ACSM3: variants seen among roughly 807,000 people sequenced by gnomAD.
ACSM3 encodes the protein acyl-CoA synthetase medium chain family member 3, also known as acyl-coenzyme A synthetase ACSM3, mitochondrial.
A neutral mutation model predicts 74.1 loss-of-function variants in ACSM3; 61 were observed. The observed-to-expected ratio is 0.82, with a 90% CI of 0.67 to 1.02. The LOEUF (loss-of-function observed/expected upper bound fraction) is 1.02. ACSM3 is among the 50% of genes least tolerant of loss of function. The probability of loss-of-function intolerance (pLI) is 0.00; values close to 1 mark genes in which losing one functional copy is unlikely to be tolerated. For missense variants in ACSM3, 660 were observed against 697.0 expected (o/e 0.95, Z 0.60); for synonymous variants, 213 against 241.5 (o/e 0.88, Z 1.09).
At chr16:20,762,425 C>A (rs1040486285), upstream of ACSM3, among the ~76,000 whole-genome samples, 1 of 151,980 alleles carries the variant, frequency 6.6e-6, no homozygotes, top group Admixed American at 6.6e-5. Context: ...AAAAAAAGAA[C>A]AGAGCCTCAG....
intron 1 of ACSM3, among the ~76,000 whole-genome samples, chr16:20,683,075 T>C (rs2079478592): frequency 6.6e-6 from 1 of 152,078 alleles, no homozygotes; most frequent in Non-Finnish European, 1.5e-5. Context: ...CTTAGTTCCA[T>C]AAACATTGAC....
At chr16:20,718,858 T>C (rs1158890401) in intron 1 of ACSM3, among the ~76,000 whole-genome samples, 1 of 152,246 alleles carries the variant, frequency 6.6e-6, no homozygotes, top group African/African-American at 2.4e-5. Context: ...AATAATGATA[T>C]ACTTAATTCA....
intron 1 of ACSM3, among the ~76,000 whole-genome samples, chr16:20,677,303 T>C (rs2020347844): frequency 6.6e-6 from 1 of 151,808 alleles, no homozygotes; most frequent in Admixed American, 6.6e-5. Context: ...TATCTTCTTG[T>C]ATGCCCATAA....
intron 1 of ACSM3, chr16:20,741,481 G>GGGGGGGGGGGGGGCCCCCCCCCCC: frequency 7.6e-7 from 1 of 1,308,412 alleles, no homozygotes; most frequent in Non-Finnish European, 9.9e-7. Context: ...CTGGCAGCCG[G>GGGGGGGGGGGGGGCCCCCCCCCCC]CCCGCCCGCC....
At chr16:20,765,461 A>G (rs922013820) in intron 1 of ACSM3, among the ~76,000 whole-genome samples, 4 of 152,162 alleles carry the variant, frequency 2.6e-5, no homozygotes, top group Non-Finnish European at 1.5e-5. Flanking sequence ...CGTTTGAAGG[A>G]TTCTGAATGT....
chr16:20,719,602 A>G (rs756315056), intron 1 of ACSM3, among the ~76,000 whole-genome samples: 3 of 152,198 alleles, frequency 2.0e-5, no homozygotes, highest in Non-Finnish European at 4.4e-5. Flanking sequence ...CAGGAAATCC[A>G]GACTTCTGCT....
chr16:20,682,138 TG>T, intron 1 of ACSM3: 2 of 944,018 alleles, frequency 2.1e-6, no homozygotes, highest in Non-Finnish European at 3.1e-6. Context: ...TTAATCTGAC[TG>T]GGCTGGTGCA....
chr16:20,702,132 T>A (rs1191556813), intron 1 of ACSM3, among the ~76,000 whole-genome samples: 1 of 152,208 alleles, frequency 6.6e-6, no homozygotes, highest in African/African-American at 2.4e-5. Flanking sequence ...TCTTCCACAA[T>A]AACTGAACTA....
chr16:20,683,646 C>CTTTTT (rs36182498), intron 1 of ACSM3, among the ~76,000 whole-genome samples: 1 of 136,870 alleles, frequency 7.3e-6, no homozygotes, highest in African/African-American at 2.8e-5. Flanking sequence ...CAGCTCAAGT[C>CTTTTT]TTTTTTTTTT....
intron 1 of ACSM3, chr16:20,728,469 T>C (rs2079814460): frequency 7.9e-7 from 1 of 1,262,670 alleles, no homozygotes; most frequent in African/African-American, 1.5e-5. Flanking sequence ...ACAGCCCTTC[T>C]GTTTCTTCTC....
At chr16:20,717,911 AGAAG>A in intron 1 of ACSM3, among the ~76,000 whole-genome samples, 1 of 132,198 alleles carries the variant, frequency 7.6e-6, no homozygotes, top group Non-Finnish European at 1.7e-5. Context: ...GAGGAAAAAA[AGAAG>A]AAGAAGGAGG....
rs5715 is a variant in ACSM3 at position 20,780,866 on chromosome 16, T to C, written c.782+9T>C. On this transcript the variant is annotated intron_variant, in intron 5 of 13. Transcript: ENST00000289416. Reference sequence around the variant, plus strand: ...TTATCTGTAAATGGAAGGTATACTTTCACAAAAGTGCAGCTTGAAGTGTCA... The same window carrying C: ...TTATCTGTAAATGGAAGGTATACTTCCACAAAAGTGCAGCTTGAAGTGTCA... 1,141,942 of 1,613,942 alleles carry C rather than the reference T, an allele frequency of 0.71. 408,107 individuals are homozygous for C. Among genetic ancestry groups the C allele is most frequent in the Non-Finnish European group, 0.73 (863,168 of 1,179,932 alleles).
chr16:20,741,391 A>T, intron 1 of ACSM3: 1 of 1,283,138 alleles, frequency 7.8e-7, no homozygotes, highest in Non-Finnish European at 1.0e-6. Flanking sequence ...CCACGCCCCT[A>T]CAGCCGTCAC....
At chr16:20,786,423 G>A (rs1440446361) in intron 9 of ACSM3, 12 of 604,474 alleles carry the variant, frequency 2.0e-5, no homozygotes, top group Non-Finnish European at 2.4e-5. Flanking sequence ...GCTCACGCCT[G>A]TAATCCCAAC....
intron 1 of ACSM3, among the ~76,000 whole-genome samples, chr16:20,747,615 T>A (rs2079963187): frequency 6.6e-6 from 1 of 152,210 alleles, no homozygotes; most frequent in South Asian, 2.1e-4. Flanking sequence ...ATTATTTAGT[T>A]TTACTTCTTT....
intron 1 of ACSM3, chr16:20,738,234 T>G (rs570521110): frequency 4.0e-6 from 2 of 501,982 alleles, no homozygotes; most frequent in African/African-American, 1.9e-5. Flanking sequence ...TGTGATGTCC[T>G]GAGTTATCCA....
chr16:20,792,663 G>A (rs1596540597), intron 12 of ACSM3: 2 of 985,388 alleles, frequency 2.0e-6, no homozygotes, highest in Non-Finnish European at 2.4e-6. Flanking sequence ...AGCTGGATGG[G>A]ATCAAATTGT....
intron 1 of ACSM3, among the ~76,000 whole-genome samples, chr16:20,693,408 A>G (rs1282211042): frequency 6.6e-6 from 1 of 152,212 alleles, no homozygotes; most frequent in African/African-American, 2.4e-5. Flanking sequence ...TGATTGGAAA[A>G]AATGGCTTAA....
chr16:20,741,361 G>A (rs2079918882), intron 1 of ACSM3: 3 of 990,840 alleles, frequency 3.0e-6, no homozygotes, highest in Non-Finnish European at 4.3e-6. Flanking sequence ...TCAGGACTAG[G>A]GACGGAAACG....
Sources: allele counts gnomAD v4.1 joint callset (sites outside exome capture counted in the v4.1 genomes callset), GRCh38; gene constraint gnomAD v4.1.1; transcripts MANE v1.5; gene names NCBI Gene and HGNC (gene_info 2026-07-23, HGNC 2026-07-21).